The following SPNS3 variants were observed in gnomAD, a reference collection of about 807,000 sequenced individuals.
The protein encoded by SPNS3 is protein spinster homolog 3.
In SPNS3, 51 loss-of-function variants were observed where a neutral mutation model predicts 54.4. The ratio of observed to expected loss-of-function variants is 0.94; its 90% CI spans 0.75 to 1.18. The LOEUF is 1.18. Ranked by LOEUF, SPNS3 falls within the 50% of genes most tolerant of loss-of-function variation. The pLI is 0.00. For synonymous variants in SPNS3, 309 were observed against 294.7 expected (o/e 1.05, Z -0.50); for missense variants, 669 against 677.4 (o/e 0.99, Z 0.14).
chr17:4,453,127 C>T lies in SPNS3; in HGVS notation c.1035C>T (p.Cys345=), dbSNP rs150547910. 306 of 1,614,052 alleles carry T rather than the reference C, an allele frequency of 1.9e-4. No individual in the cohort carries two copies. Among genetic ancestry groups the T allele is most frequent in the East Asian group, 1.7e-3 (75 of 44,872 alleles). The change falls in exon 8 of 12, where the codon TGC becomes TGT. Residue 345 remains cysteine (C), a synonymous_variant. Coordinates refer to ENST00000355530, the MANE Select transcript of SPNS3 (RefSeq NM_182538.5). ...TTCCAGGAGCTGAGCCCCTCATCTGCGCCTCCAGCCTGCTTGCCACAGCCC... is the reference window on the plus strand; with the variant it reads ...TTCCAGGAGCTGAGCCCCTCATCTGTGCCTCCAGCCTGCTTGCCACAGCCC... ...KVIPGAEPLI[C]ASSLLATAPC...
At chr17:4,452,702 G>T (rs1006006999) in intron 7 of SPNS3, among the ~76,000 whole-genome samples, 2 of 152,046 alleles carry the variant, frequency 1.3e-5, no homozygotes, top group African/African-American at 2.4e-5. Context: ...AAGGGTAAGG[G>T]TCAATGGAGA....
intron 8 of SPNS3, among the ~76,000 whole-genome samples, chr17:4,468,901 G>A (rs1971774648): frequency 6.6e-6 from 1 of 151,060 alleles, no homozygotes; most frequent in Non-Finnish European, 1.5e-5. Context: ...TGATTCTCCT[G>A]CCTCAGCCTC....
rs1177175940 is a variant in SPNS3 at position 4,478,581 on chromosome 17, G to A, written c.1123G>A (p.Gly375Ser). 1 of 1,578,704 alleles carries A rather than the reference G, an allele frequency of 6.3e-7. No homozygotes were observed. The highest frequency in any genetic ancestry group is 1.3e-5 in the African/African-American group (1 of 74,590). ...TTLLASYVFLGLGELLLSCNW... is the reference protein window; with the variant it reads ...TTLLASYVFLSLGELLLSCNW... The stretch of plus-strand genomic sequence containing the variant: ...CACCCTCTGTCCACAGGTGTTCCTG[G>A]GCCTTGGGGAGCTGCTTCTGTCCTG... Residue 375 changes from glycine to serine, a missense_variant, in exon 9 of 12, where the codon GGC becomes AGC. Physicochemically the swap from Gly to Ser is moderately conservative, Grantham distance 56. Transcript: ENST00000355530.
At chr17:4,438,321 T>C (rs1046177366) in intron 1 of SPNS3, among the ~76,000 whole-genome samples, 1 of 152,236 alleles carries the variant, frequency 6.6e-6, no homozygotes, top group Non-Finnish European at 1.5e-5. Context: ...CTAAAGCCTC[T>C]GTTTCCTCAT....
intron 8 of SPNS3, among the ~76,000 whole-genome samples, chr17:4,469,161 C>G (rs967143448): frequency 1.3e-5 from 2 of 151,850 alleles, no homozygotes; most frequent in Non-Finnish European, 2.9e-5. Context: ...CTCAGCTCAC[C>G]GCATCCTGGA....
Position 4,478,653 on chromosome 17 carries a change from G to A in SPNS3, c.1179+16G>A, listed in dbSNP as rs201064459. 2,299 of 1,578,710 alleles carry A rather than the reference G, an allele frequency of 1.5e-3. 3 individuals are homozygous for A. The highest frequency in any genetic ancestry group is 1.6e-3 in the Non-Finnish European group (1,841 of 1,161,786). ...CATCCTGCTGGTAGGTGTGGGAGTC[G>A]GGGTGGTGGGCTGAGCAGGGGGAGC... On this transcript the variant is annotated intron_variant, in intron 9 of 11. Transcript: ENST00000355530.
At chr17:4,441,244 C>T (rs76741565) in intron 2 of SPNS3, among the ~76,000 whole-genome samples, 16,173 of 152,140 alleles carry the variant, frequency 0.11, 1,003 homozygotes, top group African/African-American at 0.18. Context: ...ACATGAGAGC[C>T]AGGTGCAGTG....
At chr17:4,471,866 T>TG (rs1971862758) in intron 8 of SPNS3, among the ~76,000 whole-genome samples, 1 of 138,326 alleles carries the variant, frequency 7.2e-6, no homozygotes, top group African/African-American at 2.8e-5. Context: ...TTGGATTTTT[T>TG]GTTTTTTTTT....
At chr17:4,468,749 C>CTTTCTTTCT (rs1277968705) in intron 8 of SPNS3, among the ~76,000 whole-genome samples, 21 of 140,878 alleles carry the variant, frequency 1.5e-4, no homozygotes, top group Non-Finnish European at 7.5e-5. Context: ...TTCTTTCTTT[C>CTTTCTTTCT]TTTCTTTCTT....
At chr17:4,453,515 G>A (rs1405467738) in intron 8 of SPNS3, among the ~76,000 whole-genome samples, 1 of 152,162 alleles carries the variant, frequency 6.6e-6, no homozygotes, top group Non-Finnish European at 1.5e-5. Flanking sequence ...CTGCTTGGGA[G>A]GCTGAGGCAG....
At chr17:4,453,290 T>G (rs1476707046) in intron 8 of SPNS3, 85 bp downstream of exon 8, 1 of 1,217,036 alleles carries the variant, frequency 8.2e-7, no homozygotes, top group African/African-American at 1.5e-5. Flanking sequence ...CGCCCGGCCT[T>G]TATGTACAAT....
intron 2 of SPNS3, among the ~76,000 whole-genome samples, chr17:4,444,683 G>A (rs928800107): frequency 6.6e-6 from 1 of 152,050 alleles, no homozygotes; most frequent in African/African-American, 2.4e-5. Context: ...TGTAAAGCCG[G>A]GAAACTGGCA....
chr17:4,479,714 G>A (rs763234057), intron 9 of SPNS3, among the ~76,000 whole-genome samples: 15 of 152,242 alleles, frequency 9.9e-5, no homozygotes, highest in Non-Finnish European at 1.5e-4. Flanking sequence ...TCAATGCCGC[G>A]GCACCAGCCT....
At chr17:4,438,784 G>A (rs776275659) in intron 1 of SPNS3, among the ~76,000 whole-genome samples, 5 of 152,242 alleles carry the variant, frequency 3.3e-5, no homozygotes, top group Middle Eastern at 3.2e-3. Context: ...ACTGAGCAGC[G>A]ACAGGGGGCT....
intron 8 of SPNS3, among the ~76,000 whole-genome samples, chr17:4,477,846 G>C (rs937543098): frequency 2.6e-5 from 4 of 152,144 alleles, no homozygotes; most frequent in Non-Finnish European, 4.4e-5. Context: ...GGGCACGCTG[G>C]CTGGCACACG....
rs1285506136 is a variant in SPNS3 at position 4,486,892 on chromosome 17, G to A, written c.1450+309G>A. ...TAAAGCAGGAAAGGAAGGAGAAAGG[G>A]GCCGGGCGCGGTGGCTCACACCTGT... On this transcript the variant is annotated intron_variant, in intron 11 of 11. Transcript: ENST00000355530. This position sits in a 1 kb window ranked among gnomAD's most constrained non-coding sequence, Gnocchi z 5.5. 1.3e-5 allele frequency among the ~76,000 whole-genome samples: 2 copies of A among 152,120 alleles called. No individual in the cohort carries two copies. The highest frequency in any genetic ancestry group is 2.9e-5 in the Non-Finnish European group (2 of 68,036).
intron 8 of SPNS3, among the ~76,000 whole-genome samples, chr17:4,472,370 T>G (rs192427829): frequency 6.6e-6 from 1 of 152,326 alleles, no homozygotes; most frequent in East Asian, 1.9e-4. Flanking sequence ...CCAAAGGGGA[T>G]GCAGTTTGAG....
intron 2 of SPNS3, among the ~76,000 whole-genome samples, chr17:4,440,705 C>T (rs1970827418): frequency 6.6e-6 from 1 of 152,076 alleles, no homozygotes; most frequent in African/African-American, 2.4e-5. Context: ...GTGTAAAAAC[C>T]TCTGGGGTAT....
At chr17:4,480,354 C>T (rs1972119145) in intron 9 of SPNS3, among the ~76,000 whole-genome samples, 1 of 152,214 alleles carries the variant, frequency 6.6e-6, no homozygotes, top group African/African-American at 2.4e-5. Flanking sequence ...GCAAGGCGGC[C>T]TCCAGGAATG....
Sources: allele counts gnomAD v4.1 joint callset (sites outside exome capture counted in the v4.1 genomes callset), GRCh38; gene constraint gnomAD v4.1.1; non-coding constraint Gnocchi (gnomAD v3.1); transcripts MANE v1.5; gene names NCBI Gene and HGNC (gene_info 2026-07-23, HGNC 2026-07-21).